The following SEPTIN7 variants were observed in gnomAD, a reference collection of about 807,000 sequenced individuals.
SEPTIN7 encodes the protein septin 7.
A neutral mutation model predicts 63.3 loss-of-function variants in SEPTIN7; 10 were observed. The observed-to-expected ratio is 0.16, with a 90% CI of 0.10 to 0.27. The LOEUF is 0.27. SEPTIN7 is among the 10% of genes least tolerant of loss of function. The pLI is 1.00. For synonymous variants in SEPTIN7, 131 were observed against 165.3 expected (o/e 0.79, Z 1.59); for missense variants, 310 against 521.0 (o/e 0.59, Z 3.94).
At chr7:35,825,780 C>G (rs1378538269) in intron 1 of SEPTIN7, among the ~76,000 whole-genome samples, 1 of 152,086 alleles carries the variant, frequency 6.6e-6, no homozygotes, top group Non-Finnish European at 1.5e-5. Context: ...AAGATCTGAA[C>G]TCTAAGTTCA....
chr7:35,839,926 G>A (rs927653141), intron 3 of SEPTIN7, among the ~76,000 whole-genome samples: 6 of 152,128 alleles, frequency 3.9e-5, no homozygotes, highest in Non-Finnish European at 7.4e-5. Flanking sequence ...GCATGGCAAT[G>A]AAGATCTTTA....
chr7:35,900,927 T>C (rs1484573426), intron 12 of SEPTIN7: 1 of 152,224 alleles, frequency 6.6e-6, no homozygotes, highest in East Asian at 1.9e-4. Context: ...CTTTGTCTTT[T>C]ATGAAACCAC....
the SEPTIN7 span, among the ~76,000 whole-genome samples, chr7:35,914,792 TTC>T: frequency 9.2e-5 from 14 of 152,038 alleles, no homozygotes; most frequent in South Asian, 1.9e-3. Flanking sequence ...CTCTCTTTCA[TTC>T]TCTCTCTATA....
At chr7:35,819,039 A>G (rs566954730) in intron 1 of SEPTIN7, among the ~76,000 whole-genome samples, 1 of 151,856 alleles carries the variant, frequency 6.6e-6, no homozygotes, top group East Asian at 1.9e-4. Context: ...GTTTCTTGAG[A>G]TGGAAGGTTA....
At position 35,873,703 on chromosome 7, in the gene SEPTIN7, G is replaced by A. The variant is rs1786299094; in HGVS notation, c.440G>A (p.Arg147Gln). 3 of 1,610,918 alleles carry A rather than the reference G, an allele frequency of 1.9e-6. No individual in the cohort carries two copies. The highest frequency in any genetic ancestry group is 1.7e-6 in the Non-Finnish European group (2 of 1,179,180). The change falls in exon 6 of 14, where the codon CGA (arginine) becomes CAA (glutamine). Residue 147 changes from arginine to glutamine, a missense_variant. Physicochemically the swap from Arg to Gln is conservative, Grantham distance 43 (BLOSUM62 1). Around this residue, in one of 2 missense-constraint regions of SEPTIN7, gnomAD observed 255 missense variants for 490.5 expected, o/e 0.52. Transcript: ENST00000350320. Reference sequence around the variant, plus strand: ...GAGGACTACCTAAATGCAGAATCACGAGTGAACAGACGTCAGATGCCTGAT... The same window carrying A: ...GAGGACTACCTAAATGCAGAATCACAAGTGAACAGACGTCAGATGCCTGAT... ...KFEDYLNAES[R>Q]VNRRQMPDNR...
At chr7:35,835,480 G>A (rs1388235147) in intron 3 of SEPTIN7, among the ~76,000 whole-genome samples, 1 of 152,146 alleles carries the variant, frequency 6.6e-6, no homozygotes, top group Non-Finnish European at 1.5e-5. Context: ...AGCGAGATTA[G>A]GTTACTTGCC....
chr7:35,816,909 T>C (rs1789102777), intron 1 of SEPTIN7, among the ~76,000 whole-genome samples: 4 of 152,156 alleles, frequency 2.6e-5, no homozygotes. Context: ...TTTAATGAAG[T>C]TGTCTTACTA....
At chr7:35,822,523 C>G (rs1789487783) in intron 1 of SEPTIN7, among the ~76,000 whole-genome samples, 1 of 152,074 alleles carries the variant, frequency 6.6e-6, no homozygotes, top group African/African-American at 2.4e-5. Flanking sequence ...CAATGAGAAT[C>G]TAATGCTGCC....
At chr7:35,870,807 AGAGT>A in intron 4 of SEPTIN7, among the ~76,000 whole-genome samples, 1 of 149,402 alleles carries the variant, frequency 6.7e-6, no homozygotes, top group African/African-American at 2.5e-5. Context: ...CCTGAGCAAC[AGAGT>A]GAGACCCTGA....
chr7:35,822,110 C>A (rs1017563901), intron 1 of SEPTIN7, among the ~76,000 whole-genome samples: 2 of 151,220 alleles, frequency 1.3e-5, no homozygotes, highest in African/African-American at 4.9e-5. Flanking sequence ...GACAGAGTCT[C>A]GCTCTGTCGC....
intron 1 of SEPTIN7, among the ~76,000 whole-genome samples, chr7:35,814,722 T>A (rs1238507077): frequency 6.6e-6 from 1 of 151,986 alleles, no homozygotes; most frequent in Non-Finnish European, 1.5e-5. Context: ...ATGCCTGTAA[T>A]CCCAGCACTT....
chr7:35,888,339 T>G (rs1787401819), intron 10 of SEPTIN7, among the ~76,000 whole-genome samples: 1 of 152,224 alleles, frequency 6.6e-6, no homozygotes, highest in African/African-American at 2.4e-5. Flanking sequence ...AAGACTTTAG[T>G]GATTTTAGTG....
intron 3 of SEPTIN7, among the ~76,000 whole-genome samples, chr7:35,848,353 C>T (rs1437081473): frequency 1.3e-5 from 2 of 150,310 alleles, no homozygotes; most frequent in Non-Finnish European, 1.5e-5. Context: ...CTGCAAGCTC[C>T]GCCTCCCGGG....
intron 3 of SEPTIN7, among the ~76,000 whole-genome samples, chr7:35,850,725 C>T (rs1396907383): frequency 6.6e-6 from 1 of 152,046 alleles, no homozygotes; most frequent in Non-Finnish European, 1.5e-5. Context: ...TGATAAAATT[C>T]TGCCTTGTTT....
intron 7 of SEPTIN7, among the ~76,000 whole-genome samples, chr7:35,881,429 A>G (rs1242948532): frequency 6.6e-6 from 1 of 151,330 alleles, no homozygotes; most frequent in Non-Finnish European, 1.5e-5. Flanking sequence ...GACTAAAACC[A>G]TTGCTTTTAG....
chr7:35,896,655 G>A (rs193295956), intron 11 of SEPTIN7, among the ~76,000 whole-genome samples: 76 of 152,250 alleles, frequency 5.0e-4, no homozygotes, highest in Non-Finnish European at 8.7e-4. Flanking sequence ...ACTTGAAAAT[G>A]TTTTTCAGCT....
chr7:35,819,325 T>A (rs1272448596), intron 1 of SEPTIN7, among the ~76,000 whole-genome samples: 2 of 152,176 alleles, frequency 1.3e-5, no homozygotes, highest in African/African-American at 2.4e-5. Context: ...CTTTGTATGA[T>A]TTTCAGCCCA....
At chr7:35,913,053 T>A in the SEPTIN7 span, among the ~76,000 whole-genome samples, 1 of 152,368 alleles carries the variant, frequency 6.6e-6, no homozygotes, top group South Asian at 2.1e-4. Context: ...TTTAGTTCTC[T>A]GGCCTTGGGT....
Position 35,872,711 on chromosome 7 carries a change from C to G in SEPTIN7, c.322C>G (p.Leu108Val). The change falls in exon 5 of 14, where the codon CTG becomes GTG. Residue 108 changes from leucine to valine, a missense_variant. Transcript: ENST00000350320. Reference protein sequence around the residue: ...VLIKEGGVQLLLTIVDTPGFG... With the variant: ...VLIKEGGVQLVLTIVDTPGFG... ...AATCAAAGAAGGTGGTGTTCAGTTG[C>G]TGCTCACAATAGTTGATACCCCAGG... is the stretch of plus-strand genomic sequence containing the variant. The G allele has an allele frequency of 6.2e-7, 1 of 1,612,800 alleles. No homozygotes were observed. The highest frequency in any genetic ancestry group is 8.5e-7 in the Non-Finnish European group (1 of 1,178,930).
Sources: gnomAD v4.1 joint callset for allele counts (sites outside exome capture counted in the v4.1 genomes callset) on GRCh38, gnomAD v4.1.1 for gene constraint, gnomAD v4.1.1 regional missense constraint, MANE v1.5 for transcripts, NCBI Gene and HGNC (gene_info 2026-07-23, HGNC 2026-07-21) for gene names.